Variants in ZFHX3 observed in about 807,000 individuals in gnomAD.
ZFHX3 encodes zinc finger homeobox protein 3.
In ZFHX3, 42 loss-of-function variants were observed where a neutral mutation model predicts 279.1. The ratio of observed to expected loss-of-function variants is 0.15; its 90% CI spans 0.12 to 0.19. The LOEUF (loss-of-function observed/expected upper bound fraction) is 0.19, where lower values mean the gene tolerates loss of function less well. Ranked by LOEUF, ZFHX3 falls within the 10% of genes least tolerant of loss-of-function variation. The probability of loss-of-function intolerance (pLI) is 1.00; values close to 1 mark genes in which losing one functional copy is unlikely to be tolerated. For missense variants in ZFHX3, 4,981 were observed against 4,754.0 expected (o/e 1.05, Z -1.40); for synonymous variants, 2,293 against 1,957.8 (o/e 1.17, Z -4.52).
intron 7 of ZFHX3, among the ~76,000 whole-genome samples, chr16:73,104,310 A>G (rs903617528): frequency 1.3e-5 from 2 of 152,072 alleles, no homozygotes; most frequent in African/African-American, 4.8e-5. Flanking sequence ...AGTTCGATGC[A>G]ACCTCCACCT....
intron 5 of ZFHX3, among the ~76,000 whole-genome samples, chr16:73,147,997 G>A (rs1164290614): frequency 6.6e-6 from 1 of 152,204 alleles, no homozygotes; most frequent in South Asian, 2.1e-4. Context: ...AGAAAGTTTA[G>A]GCAAACTCTA....
chr16:72,845,811 C>T (rs1350938114), intron 4 of ZFHX3, among the ~76,000 whole-genome samples: 1 of 152,200 alleles, frequency 6.6e-6, no homozygotes, highest in East Asian at 1.9e-4. Flanking sequence ...ACAATAGCAA[C>T]ACAATCATCA....
intron 4 of ZFHX3, among the ~76,000 whole-genome samples, chr16:72,879,405 G>A (rs957764122): frequency 2.0e-5 from 3 of 152,054 alleles, no homozygotes; most frequent in Non-Finnish European, 4.4e-5. Context: ...AAAGCACAGT[G>A]GGCAGCAAGG....
At chr16:72,950,062 C>A (rs1960905284) in intron 3 of ZFHX3, among the ~76,000 whole-genome samples, 1 of 138,304 alleles carries the variant, frequency 7.2e-6, no homozygotes, top group African/African-American at 2.7e-5. Flanking sequence ...ACCCCAGGAG[C>A]ATCCGGGAAA....
intron 2 of ZFHX3, among the ~76,000 whole-genome samples, chr16:73,543,529 T>A (rs536203930): frequency 6.6e-6 from 1 of 152,096 alleles, no homozygotes; most frequent in South Asian, 2.1e-4. Context: ...AGCGGGGAGA[T>A]GTAAGAGCCG....
At chr16:73,508,568 A>G (rs1293461891) in intron 2 of ZFHX3, among the ~76,000 whole-genome samples, 1 of 152,240 alleles carries the variant, frequency 6.6e-6, no homozygotes, top group Non-Finnish European at 1.5e-5. Flanking sequence ...CTTTTGTGTG[A>G]TCACATGGAA....
intron 3 of ZFHX3, among the ~76,000 whole-genome samples, chr16:72,907,144 G>A (rs921243274): frequency 2.0e-5 from 3 of 152,248 alleles, no homozygotes; most frequent in South Asian, 4.2e-4. Context: ...GTCTATGGAC[G>A]CTTTTATATT....
chr16:72,912,757 C>T (rs1252294764), intron 3 of ZFHX3, among the ~76,000 whole-genome samples: 1 of 151,808 alleles, frequency 6.6e-6, no homozygotes, highest in East Asian at 1.9e-4. Flanking sequence ...ACAGAGTCTC[C>T]CTCTGTCGCC....
At chr16:73,000,668 T>C (rs1315122316) in intron 1 of ZFHX3, among the ~76,000 whole-genome samples, 1 of 152,166 alleles carries the variant, frequency 6.6e-6, no homozygotes, top group Non-Finnish European at 1.5e-5. Context: ...ACTGGATGTT[T>C]TCAGCGGCCA....
intron 1 of ZFHX3, among the ~76,000 whole-genome samples, chr16:73,717,680 C>A (rs931070648): frequency 4.6e-5 from 7 of 152,188 alleles, no homozygotes; most frequent in Non-Finnish European, 1.0e-4. Context: ...TCGGACCTCT[C>A]TCTTCCCCCC....
chr16:72,875,912 G>A (rs1192497486), intron 4 of ZFHX3, among the ~76,000 whole-genome samples: 2 of 152,160 alleles, frequency 1.3e-5, no homozygotes, highest in Non-Finnish European at 2.9e-5. Flanking sequence ...AGGCCACAGT[G>A]AACACCTGTG....
intron 1 of ZFHX3, among the ~76,000 whole-genome samples, chr16:73,857,677 G>A (rs1961770606): frequency 6.6e-6 from 1 of 152,140 alleles, no homozygotes; most frequent in African/African-American, 2.4e-5. Context: ...TGCTGCACTT[G>A]CGCTAGGGTT....
At chr16:73,591,683 A>G (rs2051999259) in intron 2 of ZFHX3, among the ~76,000 whole-genome samples, 1 of 97,146 alleles carries the variant, frequency 1.0e-5, no homozygotes, top group Non-Finnish European at 1.9e-5. Flanking sequence ...ACAGAGCGAG[A>G]CTCTGTCTCA....
At chr16:73,763,206 C>T (rs1339584949) in intron 1 of ZFHX3, among the ~76,000 whole-genome samples, 1 of 152,104 alleles carries the variant, frequency 6.6e-6, no homozygotes, top group Non-Finnish European at 1.5e-5. Context: ...AAAATTATCC[C>T]TCTTGGCAAC....
At chr16:73,461,943 T>G (rs931475153) in intron 2 of ZFHX3, among the ~76,000 whole-genome samples, 1 of 152,218 alleles carries the variant, frequency 6.6e-6, no homozygotes, top group African/African-American at 2.4e-5. Context: ...ACTAAGCCTA[T>G]ATATCAGTTT....
Position 73,261,446 on chromosome 16 carries a change from G to T in ZFHX3, c.-1193-4310C>A, listed in dbSNP as rs993676077. Among the ~76,000 whole-genome samples, 10 of 152,052 alleles carry T rather than the reference G, an allele frequency of 6.6e-5. 1 individual carries two copies. Among genetic ancestry groups the T allele is most frequent in the African/African-American group, 2.4e-4 (10 of 41,424 alleles). ...GAAGATGATGTTTACTATGAACTTT[G>T]TTGTACCATTTAAATTTGGGACTAT... is the stretch of plus-strand genomic sequence containing the variant. On this transcript the variant is annotated intron_variant, in intron 4 of 17. Transcript: ENST00000641206.
chr16:73,554,492 C>T (rs962331582), intron 2 of ZFHX3, among the ~76,000 whole-genome samples: 3 of 152,216 alleles, frequency 2.0e-5, no homozygotes, highest in African/African-American at 4.8e-5. Context: ...CACTTAAACG[C>T]GCTGTAGACA....
chr16:73,651,535 A>G (rs2052670084), intron 2 of ZFHX3, among the ~76,000 whole-genome samples: 1 of 151,878 alleles, frequency 6.6e-6, no homozygotes, highest in East Asian at 1.9e-4. Flanking sequence ...TAAGAACAGT[A>G]ATAATATAAT....
chr16:72,887,627 T>C lies in ZFHX3; in HGVS notation c.3448+2104A>G, dbSNP rs1039591503. Among the ~76,000 whole-genome samples, 5 of 144,410 alleles carry C rather than the reference T, an allele frequency of 3.5e-5. 1 individual carries two copies. The Admixed American group carries it at 3.5e-4, about 10-fold the overall frequency. 94.7% of individuals were successfully genotyped at this position (144,410 alleles called of 152,430 possible). A position where few individuals can be genotyped will look rare whatever the true frequency, so the allele number is the denominator to read the frequency against. ...AGTGAGGGTGCGTGTGGGATGCATG[T>C]CAGTGTGTGTGGGGTGTGTGGGGGT... On this transcript the variant is annotated intron_variant, in intron 4 of 9. Transcript: ENST00000268489.
Sources: allele counts gnomAD v4.1 joint callset (sites outside exome capture counted in the v4.1 genomes callset), GRCh38; gene constraint gnomAD v4.1.1; transcripts MANE v1.5; gene names NCBI Gene and HGNC (gene_info 2026-07-23, HGNC 2026-07-21).